DGKB: variants seen among roughly 807,000 people sequenced by gnomAD.
DGKB encodes the protein diacylglycerol kinase beta, also known as 90 kDa diacylglycerol kinase.
DGKB carries 67 observed loss-of-function variants against 114.3 expected under a neutral mutation model. The observed-to-expected ratio is 0.59, with a 90% CI of 0.48 to 0.72. The LOEUF (loss-of-function observed/expected upper bound fraction) is 0.72, where lower values mean the gene tolerates loss of function less well. Ranked by LOEUF, DGKB falls within the 30% of genes least tolerant of loss-of-function variation. The probability of loss-of-function intolerance (pLI) is 0.00; values close to 1 mark genes in which losing one functional copy is unlikely to be tolerated. For synonymous variants in DGKB, 398 were observed against 323.1 expected (o/e 1.23, Z -2.49); for missense variants, 907 against 975.2 (o/e 0.93, Z 0.93).
intron 1 of DGKB, among the ~76,000 whole-genome samples, chr7:14,967,615 C>G (rs1459570534): frequency 6.7e-6 from 1 of 149,082 alleles, no homozygotes; most frequent in Admixed American, 6.7e-5. Flanking sequence ...GCCACCGCGC[C>G]CAGCCCGTTT....
At position 14,412,245 on chromosome 7, in the gene DGKB, G is replaced by A. The variant is rs59244915; in HGVS notation, c.1835+65916C>T. On this transcript the variant is annotated intron_variant, in intron 21 of 25. Transcript: ENST00000402815. ...TAACTTCTGGTGATAAAAAGTAAGAGAAGACAAACACAAATTTGTACAGCA... is the reference window on the plus strand; with the variant it reads ...TAACTTCTGGTGATAAAAAGTAAGAAAAGACAAACACAAATTTGTACAGCA... Among the ~76,000 whole-genome samples the A allele has an allele frequency of 7.9e-3, 1,206 of 152,254 alleles. 8 individuals carry two copies. The highest frequency in any genetic ancestry group is 0.017 in the Middle Eastern group (5 of 294).
chr7:14,961,631 G>A (rs1786847963), intron 1 of DGKB, among the ~76,000 whole-genome samples: 1 of 152,066 alleles, frequency 6.6e-6, no homozygotes, highest in African/African-American at 2.4e-5. Flanking sequence ...GTGGCCACAG[G>A]AGATAATTGA....
intron 1 of DGKB, among the ~76,000 whole-genome samples, chr7:14,909,298 T>A (rs546548810): frequency 6.6e-6 from 1 of 152,260 alleles, no homozygotes; most frequent in African/African-American, 2.4e-5. Flanking sequence ...AATGTCAGAT[T>A]CTCAAAAAAA....
intron 21 of DGKB, among the ~76,000 whole-genome samples, chr7:14,434,508 C>G (rs945113012): frequency 6.6e-6 from 1 of 152,036 alleles, no homozygotes; most frequent in Non-Finnish European, 1.5e-5. Flanking sequence ...GCTGGCTTTG[C>G]AGATAGAAGA....
At chr7:14,473,601 G>A (rs188955334) in intron 21 of DGKB, among the ~76,000 whole-genome samples, 2 of 152,216 alleles carry the variant, frequency 1.3e-5, no homozygotes, top group East Asian at 3.9e-4. Context: ...TAGATCCACC[G>A]ACAGCTTGCA....
At chr7:14,532,115 A>G (rs1298243152) in intron 20 of DGKB, among the ~76,000 whole-genome samples, 1 of 151,434 alleles carries the variant, frequency 6.6e-6, no homozygotes, top group Non-Finnish European at 1.5e-5. Flanking sequence ...TTTAGAATAA[A>G]ATATAGGAGA....
chr7:14,800,905 A>G (rs952963398), intron 2 of DGKB, among the ~76,000 whole-genome samples: 3 of 152,152 alleles, frequency 2.0e-5, no homozygotes, highest in Admixed American at 6.5e-5. Context: ...CCCGCCAGGA[A>G]AAGAGCCATG....
At chr7:14,617,628 T>C (rs1280313618) in intron 15 of DGKB, among the ~76,000 whole-genome samples, 1 of 151,592 alleles carries the variant, frequency 6.6e-6, no homozygotes, top group Non-Finnish European at 1.5e-5. Context: ...CTCATCACAC[T>C]CAGATCAAAA....
chr7:14,768,740 GGGA>G (rs1299655178), intron 2 of DGKB, among the ~76,000 whole-genome samples: 2 of 151,902 alleles, frequency 1.3e-5, no homozygotes, highest in Non-Finnish European at 2.9e-5. Flanking sequence ...AAAAATTTAG[GGGA>G]GGAGAACTGA....
At chr7:14,200,757 A>G (rs1267329268) in intron 23 of DGKB, among the ~76,000 whole-genome samples, 1 of 152,036 alleles carries the variant, frequency 6.6e-6, no homozygotes, top group Non-Finnish European at 1.5e-5. Flanking sequence ...ACATGTAAAA[A>G]AAACGTAATG....
At chr7:14,686,139 C>T (rs1821643646) in intron 9 of DGKB, among the ~76,000 whole-genome samples, 1 of 151,962 alleles carries the variant, frequency 6.6e-6, no homozygotes, top group Non-Finnish European at 1.5e-5. Context: ...CACAATACAA[C>T]CTTGGGTTTA....
chr7:14,393,499 G>T (rs185463381), intron 21 of DGKB, among the ~76,000 whole-genome samples: 34 of 152,172 alleles, frequency 2.2e-4, no homozygotes, highest in African/African-American at 7.2e-4. Flanking sequence ...TTCTTTTGAT[G>T]TAATAATCTA....
At chr7:14,225,011 C>T (rs1233146353) in intron 23 of DGKB, among the ~76,000 whole-genome samples, 5 of 151,980 alleles carry the variant, frequency 3.3e-5, no homozygotes, top group Non-Finnish European at 5.9e-5. Context: ...TGCCTCTATT[C>T]GTGGTTCACT....
At chr7:14,610,719 T>C (rs1305275135) in intron 16 of DGKB, among the ~76,000 whole-genome samples, 2 of 152,062 alleles carry the variant, frequency 1.3e-5, no homozygotes, top group Non-Finnish European at 2.9e-5. Flanking sequence ...GACAACTCTG[T>C]GCCTTCCTAA....
chr7:14,477,300 G>C (rs551885459), intron 21 of DGKB, among the ~76,000 whole-genome samples: 8 of 152,112 alleles, frequency 5.3e-5, no homozygotes, highest in Non-Finnish European at 1.0e-4. Context: ...CTAATAAATG[G>C]TCTATAACAT....
chr7:14,212,770 T>TAGAAAAA (rs1788333930), intron 23 of DGKB, among the ~76,000 whole-genome samples: 1 of 152,092 alleles, frequency 6.6e-6, no homozygotes, highest in Non-Finnish European at 1.5e-5. Flanking sequence ...CTTTTTTTTC[T>TAGAAAAA]AAAGTACCTA....
At chr7:14,715,779 T>C (rs1292723901) in intron 6 of DGKB, among the ~76,000 whole-genome samples, 1 of 152,196 alleles carries the variant, frequency 6.6e-6, no homozygotes, top group Non-Finnish European at 1.5e-5. Context: ...TCTATGACAT[T>C]TTGTTATAAC....
rs1201445714 is a variant in DGKB, at chr7:14,621,296, T to C, written c.1284+82A>G. Reference sequence around the variant, plus strand: ...CTAATATGCAGATTAAACAAATGTGTTGATAGCTGAACATATGCCCCTTTA... The same window carrying C: ...CTAATATGCAGATTAAACAAATGTGCTGATAGCTGAACATATGCCCCTTTA... On this transcript the variant is annotated intron_variant, in intron 15 of 25. Coordinates refer to ENST00000402815, the MANE Select transcript of DGKB (RefSeq NM_001350709.2). The C allele has an allele frequency of 7.7e-6, 6 of 775,962 alleles. No homozygotes were observed. In the East Asian group the frequency reaches 1.1e-4, roughly 14 times the overall value. The allele number at this position is 775,962 out of a possible 1,614,324, so 48.1% of individuals were successfully genotyped here. A position where few individuals can be genotyped will look rare whatever the true frequency, so the allele number is the denominator to read the frequency against.
intron 17 of DGKB, among the ~76,000 whole-genome samples, chr7:14,596,767 C>T (rs10254172): frequency 0.055 from 8,306 of 152,022 alleles, 782 homozygotes; most frequent in African/African-American, 0.19. Context: ...TGGTTAATAC[C>T]AATACATATA....
Sources: gnomAD v4.1 joint callset for allele counts (sites outside exome capture counted in the v4.1 genomes callset) on GRCh38, gnomAD v4.1.1 for gene constraint, MANE v1.5 for transcripts, NCBI Gene and HGNC (gene_info 2026-07-23, HGNC 2026-07-21) for gene names.